RBM46: variants seen among roughly 807,000 people sequenced by gnomAD.
RBM46 encodes probable RNA-binding protein 46.
A neutral mutation model predicts 43.3 loss-of-function variants in RBM46; 12 were observed. The observed-to-expected ratio is 0.28, with a 90% CI of 0.18 to 0.45. RBM46 has a LOEUF of 0.45. Among genes scored for constraint, RBM46 ranks in the 20% least tolerant of loss-of-function variants. RBM46 has a pLI of 1.00. For synonymous variants in RBM46, 205 were observed against 207.6 expected (o/e 0.99, Z 0.11); for missense variants, 412 against 639.1 (o/e 0.64, Z 3.83).
chr4:154,815,374 A>G (rs1735382900), intron 4 of RBM46, among the ~76,000 whole-genome samples: 1 of 152,020 alleles, frequency 6.6e-6, no homozygotes, highest in Non-Finnish European at 1.5e-5. Flanking sequence ...TTTAAACTGT[A>G]GTAAATAGGG....
chr4:154,804,036 C>G (rs1734782882), intron 4 of RBM46, among the ~76,000 whole-genome samples: 1 of 152,212 alleles, frequency 6.6e-6, no homozygotes, highest in Non-Finnish European at 1.5e-5. Flanking sequence ...TGCTCCTGCT[C>G]TTGCCATGGG....
chr4:154,781,577 C>T (rs907063878), intron 1 of RBM46, 141 bp downstream of exon 1: 1 of 152,438 alleles, frequency 6.6e-6, no homozygotes, highest in Non-Finnish European at 1.5e-5. Flanking sequence ...TCCCCAGCCC[C>T]GTCGAGCAGT....
At chr4:154,823,722 A>C (rs1560915649) in intron 4 of RBM46, among the ~76,000 whole-genome samples, 6 of 152,006 alleles carry the variant, frequency 3.9e-5, no homozygotes, top group Admixed American at 3.9e-4. Flanking sequence ...ATTATTCACT[A>C]ACAGACTGTC....
rs146595871 is a variant in RBM46, at chr4:154,825,193, A to G, written c.1403-2675A>G. ...GAGCTAAGGATGTTAATTGGGAAGA[A>G]AAACTAGGGGTGGGCAAATAAGTAT... On this transcript the variant is annotated intron_variant, in intron 4 of 4. Coordinates refer to ENST00000281722, the MANE Select transcript of RBM46 (RefSeq NM_144979.5). 9.3e-4 allele frequency among the ~76,000 whole-genome samples: 141 copies of G among 152,272 alleles called. 1 individual carries two copies. Among genetic ancestry groups the G allele is most frequent in the Admixed American group, 2.4e-3 (37 of 15,288 alleles).
rs1734482917 is a variant in RBM46, at chr4:154,799,011, T to C, written c.849T>C (p.Asp283=). 9.3e-6 allele frequency: 15 copies of C among 1,614,048 alleles called. No individual in the cohort carries two copies. Among genetic ancestry groups the C allele is most frequent in the Non-Finnish European group, 1.3e-5 (15 of 1,179,996 alleles). ...TTGTTCACTTTTTCAACCGAGAAGA[T>C]GCAGTGGCTGCCATGTCTGTTATGA... ...YAFVHFFNRE[D]AVAAMSVMNG... is the part of the protein sequence containing the mutation. Residue 283 remains aspartate (D), a synonymous_variant, in exon 4 of 5, where the codon GAT becomes GAC. Coordinates refer to ENST00000281722, the MANE Select transcript of RBM46 (RefSeq NM_144979.5).
At chr4:154,781,677 G>C (rs1357208806) in intron 1 of RBM46, 1 of 152,364 alleles carries the variant, frequency 6.6e-6, no homozygotes, top group Non-Finnish European at 1.5e-5. Flanking sequence ...TGCATGGTGA[G>C]GGCCCAGCGG....
intron 4 of RBM46, among the ~76,000 whole-genome samples, chr4:154,821,180 A>G (rs146628675): frequency 2.4e-4 from 36 of 151,956 alleles, no homozygotes; most frequent in African/African-American, 8.4e-4. Context: ...AATGCTTGTT[A>G]TACTTGAGAC....
At chr4:154,823,832 T>C (rs1172351229) in intron 4 of RBM46, among the ~76,000 whole-genome samples, 1 of 151,988 alleles carries the variant, frequency 6.6e-6, no homozygotes, top group Admixed American at 6.6e-5. Context: ...CTACTCTTGC[T>C]CCTGTGTCAG....
intron 4 of RBM46, among the ~76,000 whole-genome samples, chr4:154,813,136 T>G (rs1352375864): frequency 1.3e-5 from 2 of 152,032 alleles, no homozygotes; most frequent in East Asian, 3.9e-4. Flanking sequence ...AGTTAAAAGA[T>G]AAAGATTACA....
intron 1 of RBM46, among the ~76,000 whole-genome samples, chr4:154,790,878 A>C (rs931220874): frequency 6.6e-6 from 1 of 152,196 alleles, no homozygotes; most frequent in Non-Finnish European, 1.5e-5. Flanking sequence ...GTTGATTCTA[A>C]ATTCGGATAC....
Position 154,799,559 on chromosome 4 carries a change from A to G in RBM46, c.1397A>G (p.His466Arg). The G allele has an allele frequency of 6.5e-7, 1 of 1,533,902 alleles. No individual in the cohort carries two copies. The highest frequency in any genetic ancestry group is 8.7e-7 in the Non-Finnish European group (1 of 1,143,370). The change falls in exon 4 of 5, where the codon CAT becomes CGT. Residue 466 changes from histidine (H) to arginine (R), a missense_variant. Around this residue, in one of 8 missense-constraint regions of RBM46, gnomAD observed 149 missense variants for 156.3 expected, o/e 0.95. Transcript: ENST00000281722. ...KELAAQFTLL[H>R]LDYNFHRSSI... Reference sequence around the variant, plus strand: ...CTGGCAGCCCAGTTTACATTACTTCATTTGGGTAAGTTTAAAAATACTTTA... The same window carrying G: ...CTGGCAGCCCAGTTTACATTACTTCGTTTGGGTAAGTTTAAAAATACTTTA...
At chr4:154,794,984 A>G (rs934577945) in intron 1 of RBM46, among the ~76,000 whole-genome samples, 11 of 152,114 alleles carry the variant, frequency 7.2e-5, no homozygotes, top group African/African-American at 2.7e-4. Context: ...AATATCCCAG[A>G]TGTAAGGAAT....
intron 4 of RBM46, among the ~76,000 whole-genome samples, chr4:154,810,959 AT>A (rs756963682): frequency 7.2e-5 from 11 of 152,294 alleles, no homozygotes; most frequent in Admixed American, 1.3e-4. Context: ...CAGATGGCTG[AT>A]TGTTAAATCT....
intron 1 of RBM46, among the ~76,000 whole-genome samples, chr4:154,788,693 TA>T: frequency 6.6e-6 from 1 of 152,318 alleles, no homozygotes; most frequent in East Asian, 1.9e-4. Context: ...ATATGAACTT[TA>T]AAGTAGTTTT....
chr4:154,792,412 A>G (rs920507537), intron 1 of RBM46, among the ~76,000 whole-genome samples: 1 of 152,200 alleles, frequency 6.6e-6, no homozygotes, highest in Non-Finnish European at 1.5e-5. Flanking sequence ...ACTGGAATTC[A>G]GGTCTTCTCC....
At position 154,799,576 on chromosome 4, in the gene RBM46, A is replaced by G; in HGVS notation, c.1402+12A>G. The G allele has an allele frequency of 6.8e-7, 1 of 1,479,558 alleles. No individual in the cohort carries two copies. Among genetic ancestry groups the G allele is most frequent in the Non-Finnish European group, 9.0e-7 (1 of 1,109,754 alleles). The allele number at this position is 1,479,558 out of a possible 1,614,324, so 91.7% of individuals were successfully genotyped here. A position where few individuals can be genotyped will look rare whatever the true frequency, so the allele number is the denominator to read the frequency against. ...ATTACTTCATTTGGGTAAGTTTAAA[A>G]ATACTTTAAATGATGTATAATATGA... On this transcript the variant is annotated intron_variant, in intron 4 of 4. Coordinates refer to ENST00000281722, the MANE Select transcript of RBM46 (RefSeq NM_144979.5).
At chr4:154,790,190 A>G (rs1233375981) in intron 1 of RBM46, 2 of 152,018 alleles carry the variant, frequency 1.3e-5, no homozygotes, top group African/African-American at 4.8e-5. Context: ...CTCTGATCTT[A>G]GTTATTTCTT....
At chr4:154,807,814 C>T (rs993855897) in intron 4 of RBM46, among the ~76,000 whole-genome samples, 4 of 151,814 alleles carry the variant, frequency 2.6e-5, no homozygotes, top group African/African-American at 9.7e-5. Context: ...TTTTCATGCT[C>T]CTTAAGTGAC....
chr4:154,810,743 C>G (rs1349028352), intron 4 of RBM46, among the ~76,000 whole-genome samples: 2 of 152,202 alleles, frequency 1.3e-5, no homozygotes, highest in East Asian at 3.9e-4. Flanking sequence ...CTTTACTAGA[C>G]TATTGTAACT....
Sources: gnomAD v4.1 joint callset for allele counts (sites outside exome capture counted in the v4.1 genomes callset) on GRCh38, gnomAD v4.1.1 for gene constraint, gnomAD v4.1.1 regional missense constraint, MANE v1.5 for transcripts, NCBI Gene and HGNC (gene_info 2026-07-23, HGNC 2026-07-21) for gene names.